CEP89: variants seen among roughly 807,000 people sequenced by gnomAD.
The protein encoded by CEP89 is centrosomal protein 89, also known as centrosomal protein of 89 kDa.
In CEP89, 95 loss-of-function variants were observed where a neutral mutation model predicts 97.6. The observed-to-expected ratio is 0.97, with a 90% CI of 0.82 to 1.15. The LOEUF (loss-of-function observed/expected upper bound fraction) is 1.15. CEP89 is among the 50% of genes most tolerant of loss of function. The pLI, the probability that CEP89 is intolerant of heterozygous loss-of-function variation, is 0.00. For missense variants in CEP89, 869 were observed against 947.7 expected (o/e 0.92, Z 1.09); for synonymous variants, 354 against 349.1 (o/e 1.01, Z -0.16).
intron 1 of CEP89, among the ~76,000 whole-genome samples, chr19:32,967,342 C>T (rs1393721977): frequency 6.6e-6 from 1 of 152,112 alleles, no homozygotes; most frequent in Admixed American, 6.6e-5. Flanking sequence ...ATTTTCTTGG[C>T]ACGAGCCATT....
At chr19:32,883,687 C>T (rs898714212) in intron 17 of CEP89, among the ~76,000 whole-genome samples, 1 of 152,030 alleles carries the variant, frequency 6.6e-6, no homozygotes, top group Non-Finnish European at 1.5e-5. Flanking sequence ...AACAAACAAA[C>T]AAAAAACAAA....
chr19:32,893,172 T>C (rs925720780), intron 16 of CEP89, among the ~76,000 whole-genome samples: 1 of 150,600 alleles, frequency 6.6e-6, no homozygotes, highest in Non-Finnish European at 1.5e-5. Flanking sequence ...TAAAGATCCA[T>C]ACAGACTGAA....
chr19:32,917,764 T>C (rs1278373587), intron 13 of CEP89: 3 of 982,912 alleles, frequency 3.1e-6, no homozygotes, highest in East Asian at 1.1e-4. Flanking sequence ...CGGAAGGTGT[T>C]TGATGGAAAT....
intron 9 of CEP89, among the ~76,000 whole-genome samples, chr19:32,929,496 G>A (rs1555792211): frequency 6.6e-6 from 1 of 152,072 alleles, no homozygotes; most frequent in Non-Finnish European, 1.5e-5. Context: ...CAGCCACTCA[G>A]GAGGCTGAGA....
At position 32,944,220 on chromosome 19, in the gene CEP89, T is replaced by TA. The variant is rs750448528; in HGVS notation, c.595+4045dup. Among the ~76,000 whole-genome samples, 87 of 62,406 alleles carry TA rather than the reference T, an allele frequency of 1.4e-3. 6 individuals are homozygous for TA. Among genetic ancestry groups the TA allele is most frequent in the Admixed American group, 3.9e-3 (20 of 5,184 alleles). 40.9% of individuals were successfully genotyped at this position (62,406 alleles called of 152,430 possible). A position where few individuals can be genotyped will look rare whatever the true frequency, so the allele number is the denominator to read the frequency against. ...GCCTGGGCAACAGAGTGAGACCCTG[T>TA]AAAAAAAAAAAAAAAAAGACTCTTC... On this transcript the variant is annotated intron_variant, in intron 5 of 18. Transcript: ENST00000305768.
At position 32,879,212 on chromosome 19, in the gene CEP89, C is replaced by G; in HGVS notation, c.2302G>C (p.Gly768Arg). ...AGGTCATAGGAGCAGACATCGCAGCCGTCCAGCAGGTCTGCCTGAGAGACG... is the reference window on the plus strand; with the variant it reads ...AGGTCATAGGAGCAGACATCGCAGCGGTCCAGCAGGTCTGCCTGAGAGACG... ...NGVSQADLLD[G>R]CDVCSYDLKS... The change falls in exon 19 of 19, where the codon GGC becomes CGC. Residue 768 changes from glycine to arginine, a missense_variant. Coordinates refer to ENST00000305768, the MANE Select transcript of CEP89 (RefSeq NM_032816.5). 6.2e-7 allele frequency: 1 copy of G among 1,614,062 alleles called. No homozygotes were observed. Among genetic ancestry groups the G allele is most frequent in the Non-Finnish European group, 8.5e-7 (1 of 1,179,994 alleles).
In CEP89 at chr19:32,936,684, T is replaced by C. The variant is rs1265233981; in HGVS notation, c.667+947A>G. Among the ~76,000 whole-genome samples, 1 of 152,024 alleles carries C rather than the reference T, an allele frequency of 6.6e-6. No individual in the cohort carries two copies. The highest frequency in any genetic ancestry group is 2.4e-5 in the African/African-American group (1 of 41,416). On this transcript the variant is annotated intron_variant, in intron 7 of 18. Coordinates refer to ENST00000305768, the MANE Select transcript of CEP89 (RefSeq NM_032816.5). This position sits in a 1 kb window ranked among gnomAD's most constrained non-coding sequence, Gnocchi z 4.5. ...AGAGAGGAGTTCCCCTCTCTGCTGA[T>C]AGCTGGAGATGTCAGAGGACCAGCA...
rs1970520358 is a variant in CEP89, at chr19:32,933,570, C to T, written c.767G>A (p.Ser256Asn). 6.2e-7 allele frequency: 1 copy of T among 1,612,988 alleles called. No individual in the cohort carries two copies. The highest frequency in any genetic ancestry group is 1.7e-5 in the Admixed American group (1 of 59,984). The change falls in exon 8 of 19, where the codon AGC (serine) becomes AAC (asparagine). Residue 256 changes from serine to asparagine, a missense_variant. Physicochemically the swap from Ser to Asn is conservative, Grantham distance 46. Transcript: ENST00000305768. ...CATTGTGTTTAGTTCAAGGGTAAGG[C>T]TTTGATTCATATTGTTTAGGTCCAT... ...ENMDLNNMNQ[S>N]LTLELNTMKQ...
At chr19:32,926,377 T>C (rs1970357924) in intron 10 of CEP89, 104 bp from the exon 11 acceptor site, 8 of 809,764 alleles carry the variant, frequency 9.9e-6, no homozygotes, top group Non-Finnish European at 1.6e-5. Context: ...ATGGTTTCTT[T>C]GGTTGCAGTT....
intron 9 of CEP89, among the ~76,000 whole-genome samples, chr19:32,928,105 G>A (rs1018989381): frequency 4.0e-5 from 6 of 151,326 alleles, no homozygotes; most frequent in East Asian, 1.9e-4. Context: ...TAGTAGAGGC[G>A]AGGTTTCACC....
chr19:32,970,116 C>CT (rs1971367767), intron 1 of CEP89: 1 of 152,268 alleles, frequency 6.6e-6, no homozygotes, highest in African/African-American at 2.4e-5. Flanking sequence ...ATAATTCATT[C>CT]TTTTTTAGGC....
chr19:32,942,477 T>C (rs979281355), intron 5 of CEP89, among the ~76,000 whole-genome samples: 1 of 152,214 alleles, frequency 6.6e-6, no homozygotes, highest in Non-Finnish European at 1.5e-5. Flanking sequence ...TTTGTACACA[T>C]TAAAAATGAT....
intron 12 of CEP89, among the ~76,000 whole-genome samples, chr19:32,922,199 A>C (rs1279276417): frequency 6.6e-6 from 1 of 152,166 alleles, no homozygotes; most frequent in Non-Finnish European, 1.5e-5. Context: ...AGGCAGGCGC[A>C]GTGTGGCAGG....
At chr19:32,963,270 C>T (rs1168638244) in intron 2 of CEP89, among the ~76,000 whole-genome samples, 1 of 152,098 alleles carries the variant, frequency 6.6e-6, no homozygotes, top group African/African-American at 2.4e-5. Context: ...GCATGAGAAT[C>T]GCTTGAATCC....
rs1970170017 is a variant in CEP89, at chr19:32,918,223, C to T, written c.1384+1G>A. ...ACCAGTCCTCACTGGAAGGACCTCA[C>T]CTTCTTGGAGGCGCTCCTGGTGGCT... On this transcript the variant is annotated splice_donor_variant, in intron 13 of 18. Transcript: ENST00000305768. LOFTEE classifies it high-confidence loss of function. The T allele has an allele frequency of 3.7e-6, 6 of 1,609,830 alleles. No homozygotes were observed. The highest frequency in any genetic ancestry group is 5.1e-6 in the Non-Finnish European group (6 of 1,176,084).
Position 32,953,800 on chromosome 19 carries a change from G to A in CEP89, c.307C>T (p.Pro103Ser), listed in dbSNP as rs1970986178. The change falls in exon 4 of 19, where the codon CCA (proline) becomes TCA (serine). Residue 103 changes from proline to serine, a missense_variant and splice_region_variant. Coordinates refer to ENST00000305768, the MANE Select transcript of CEP89 (RefSeq NM_032816.5). ...YATTSQLRPR[P>S]NWQSEMGRRS... ...CTTCCCATCTCACTCTGCCAATTTG[G>A]CCTGTATTAGAATATTCATGGGGAA... is the stretch of plus-strand genomic sequence containing the variant. 2.5e-6 allele frequency: 4 copies of A among 1,611,068 alleles called. No individual in the cohort carries two copies. The highest frequency in any genetic ancestry group is 2.2e-5 in the South Asian group (2 of 90,980).
intron 1 of CEP89, among the ~76,000 whole-genome samples, chr19:32,968,742 C>T (rs995196853): frequency 3.3e-5 from 5 of 152,052 alleles, no homozygotes; most frequent in African/African-American, 1.2e-4. Context: ...ACTCTCTCAA[C>T]GGCAGGCAAA....
At chr19:32,957,618 T>C (rs181206322) in intron 3 of CEP89, among the ~76,000 whole-genome samples, 2 of 152,254 alleles carry the variant, frequency 1.3e-5, no homozygotes, top group Non-Finnish European at 2.9e-5. Flanking sequence ...GAGACCAGCC[T>C]GGCCAACATG....
At chr19:32,889,649 G>A (rs573471396) in intron 16 of CEP89, among the ~76,000 whole-genome samples, 1 of 152,270 alleles carries the variant, frequency 6.6e-6, no homozygotes, top group East Asian at 1.9e-4. Context: ...ACTTCGTTGT[G>A]GAAGCCTGTG....
Sources: allele counts gnomAD v4.1 joint callset (sites outside exome capture counted in the v4.1 genomes callset), GRCh38; gene constraint gnomAD v4.1.1; non-coding constraint Gnocchi (gnomAD v3.1); transcripts MANE v1.5; gene names NCBI Gene and HGNC (gene_info 2026-07-23, HGNC 2026-07-21).